Variants in SERHL2 observed in about 807,000 individuals in gnomAD.
SERHL2 encodes the protein serine hydrolase-like protein 2.
Under a neutral mutation model 25.5 loss-of-function variants are expected in SERHL2, and 29 were observed. The ratio of observed to expected loss-of-function variants is 1.14; its 90% CI spans 0.85 to 1.55. The LOEUF is 1.55. Ranked by LOEUF, SERHL2 falls within the 40% of genes most tolerant of loss-of-function variation. The probability of loss-of-function intolerance (pLI) is 0.00; values close to 1 mark genes in which losing one functional copy is unlikely to be tolerated. For missense variants in SERHL2, 240 were observed against 252.3 expected, an observed-to-expected ratio of 0.95 and a Z score of 0.33; for synonymous variants, 95 against 103.5, an observed-to-expected ratio of 0.92 and a Z score of 0.50.
chr22:42,567,862 T>C (rs1415331436), intron 9 of SERHL2, among the ~76,000 whole-genome samples: 1 of 151,452 alleles, frequency 6.6e-6, no homozygotes, highest in Non-Finnish European at 1.5e-5. Flanking sequence ...CCCAAGTAGC[T>C]GGGATTACAG....
intron 7 of SERHL2, 99 bp from the exon 8 acceptor site, chr22:42,560,087 C>T (rs1266613228): frequency 1.2e-5 from 10 of 863,640 alleles, no homozygotes; most frequent in Admixed American, 3.6e-5. Flanking sequence ...GCTGGGATTA[C>T]AGGCATGAGC....
At chr22:42,572,082 C>T (rs1924303305) in intron 10 of SERHL2, among the ~76,000 whole-genome samples, 3 of 152,054 alleles carry the variant, frequency 2.0e-5, no homozygotes, top group Admixed American at 1.3e-4. Flanking sequence ...TGTAGACTAT[C>T]AACGGGAGGA....
rs749197935 is a variant in SERHL2, at chr22:42,572,562, C to T, written c.825+33C>T. 9 of 1,607,118 alleles carry T rather than the reference C, an allele frequency of 5.6e-6. No individual in the cohort carries two copies. In the Admixed American group the frequency reaches 1.3e-4, roughly 24 times the overall value. ...GGGGCTCAGGCAGCTGGTGTCCAGCCACTGTCGCCCACTCTGGTCCCACCT... is the reference window on the plus strand; with the variant it reads ...GGGGCTCAGGCAGCTGGTGTCCAGCTACTGTCGCCCACTCTGGTCCCACCT... On this transcript the variant is annotated intron_variant, in intron 11 of 11. Transcript: ENST00000327678.
chr22:42,561,210 C>T (rs1922637762), intron 8 of SERHL2, among the ~76,000 whole-genome samples: 1 of 151,884 alleles, frequency 6.6e-6, no homozygotes. Flanking sequence ...AGCAGTGGTC[C>T]AGGAAGCAGC....
chr22:42,559,124 G>A (rs1485535481), intron 7 of SERHL2, among the ~76,000 whole-genome samples: 6 of 99,624 alleles, frequency 6.0e-5, no homozygotes, highest in Non-Finnish European at 1.1e-4. Context: ...GCCAGGCGCA[G>A]TGGCTCACAC....
In SERHL2 at chr22:42,567,345, C is replaced by CT. The variant is rs898384975; in HGVS notation, c.648+1014dup. On this transcript the variant is annotated intron_variant, in intron 9 of 11. Transcript: ENST00000327678. ...GTCAGATAGTGATTCATTTTCTTTT[C>CT]TTTTTTTCTTTTTTGTGTTTTAAAA... 2.7e-5 allele frequency among the ~76,000 whole-genome samples: 4 copies of CT among 150,276 alleles called. No homozygotes were observed. The East Asian group carries it at 7.8e-4, about 29-fold the overall frequency.
rs577331895 is a variant in SERHL2, at chr22:42,568,890, C to G, written c.649-2231C>G. 1.3e-5 allele frequency among the ~76,000 whole-genome samples: 2 copies of G among 151,372 alleles called. 1 individual carries two copies. The highest frequency in any genetic ancestry group is 2.9e-5 in the Non-Finnish European group (2 of 67,828). On this transcript the variant is annotated intron_variant, in intron 9 of 11. Coordinates refer to ENST00000327678, the MANE Select transcript of SERHL2 (RefSeq NM_014509.5). ...CTGAGGCAGGAGAATCGCTTTAACT[C>G]GGGAGGCGGAGATTGCAGTGAGCTG... is the stretch of plus-strand genomic sequence containing the variant.
Position 42,563,298 on chromosome 22 carries a change from G to C in SERHL2, c.614-3006G>C, listed in dbSNP as rs887942256. The stretch of plus-strand genomic sequence containing the variant: ...GGCTCACTGCAGCCTTGGCCTCATG[G>C]GCTCAGGCGATCCTCCTACCTCAGC... On this transcript the variant is annotated intron_variant, in intron 8 of 11. Transcript: ENST00000327678. The C allele has an allele frequency of 1.1e-4, 27 of 244,494 alleles. No individual in the cohort carries two copies. In the Admixed American group the frequency reaches 1.1e-3, roughly 10 times the overall value. The allele number at this position is 244,494 out of a possible 1,614,324, so 15.1% of individuals were successfully genotyped here. A position where few individuals can be genotyped will look rare whatever the true frequency, so the allele number is the denominator to read the frequency against.
chr22:42,570,449 T>TGTGGAGAACA (rs896312884), intron 9 of SERHL2, among the ~76,000 whole-genome samples: 2 of 152,028 alleles, frequency 1.3e-5, no homozygotes, highest in African/African-American at 4.8e-5. Flanking sequence ...ATTGTTCTCA[T>TGTGGAGAACA]ATTTTAACAT....
chr22:42,556,686 C>A lies in SERHL2; in HGVS notation c.423+98C>A, dbSNP rs9623624. 9 of 1,103,346 alleles carry A rather than the reference C, an allele frequency of 8.2e-6. No homozygotes were observed. The Admixed American group carries it at 1.9e-4, about 23-fold the overall frequency. The allele number at this position is 1,103,346 out of a possible 1,614,324, so 68.3% of individuals were successfully genotyped here. A position where few individuals can be genotyped will look rare whatever the true frequency, so the allele number is the denominator to read the frequency against. Reference sequence around the variant, plus strand: ...TCCTTTGGTGGACACTAGGGAAGCACGAGGAGGCGGCAGAGGGTGGGAAAG... The same window carrying A: ...TCCTTTGGTGGACACTAGGGAAGCAAGAGGAGGCGGCAGAGGGTGGGAAAG... On this transcript the variant is annotated intron_variant, in intron 6 of 11. Coordinates refer to ENST00000327678, the MANE Select transcript of SERHL2 (RefSeq NM_014509.5).
Position 42,574,337 on chromosome 22 carries a change from C to T in SERHL2, c.*282C>T, listed in dbSNP as rs1924701295. On this transcript the variant is annotated 3_prime_UTR_variant, in exon 12 of 12. Transcript: ENST00000327678. ...GGCAGGCTGGGCCCACCTAGCCTTT[C>T]CCTGCTGCCCAACTGGATGGAAAAT... 2 of 523,922 alleles carry T rather than the reference C, an allele frequency of 3.8e-6. No individual in the cohort carries two copies. Among genetic ancestry groups the T allele is most frequent in the South Asian group, 2.4e-5 (1 of 42,430 alleles). 32.5% of individuals were successfully genotyped at this position (523,922 alleles called of 1,614,324 possible).
At chr22:42,566,187 AG>A in intron 8 of SERHL2, 116 bp from the exon 9 acceptor site, 1 of 973,710 alleles carries the variant, frequency 1.0e-6, no homozygotes, top group Non-Finnish European at 1.6e-6. Flanking sequence ...CGTCGGGGGC[AG>A]GTGGGAGAAA....
rs768245441 is a variant in SERHL2 at position 42,562,429 on chromosome 22, A to AG, written c.613+2167dup. Among the ~76,000 whole-genome samples, 7 of 151,708 alleles carry AG rather than the reference A, an allele frequency of 4.6e-5. 1 individual carries two copies. Among genetic ancestry groups the AG allele is most frequent in the Non-Finnish European group, 8.8e-5 (6 of 67,902 alleles). ...GGGCTGGTTCCTTCTGAGGGCTGTG[A>AG]GGGAGTATCTGTTCCCACCTCTCTG... is the stretch of plus-strand genomic sequence containing the variant. On this transcript the variant is annotated intron_variant, in intron 8 of 11. Transcript: ENST00000327678.
chr22:42,560,791 G>A (rs951362211), intron 8 of SERHL2, among the ~76,000 whole-genome samples: 16 of 151,980 alleles, frequency 1.1e-4, no homozygotes, highest in African/African-American at 3.4e-4. Flanking sequence ...GCTGGAGTGC[G>A]GTGGCACCAT....
chr22:42,573,066 A>G (rs993016180), intron 11 of SERHL2, among the ~76,000 whole-genome samples: 13 of 151,890 alleles, frequency 8.6e-5, no homozygotes, highest in Non-Finnish European at 1.3e-4. Flanking sequence ...GGCTGTAGGC[A>G]GAGGTGGCTT....
chr22:42,565,167 C>T (rs1923197530), intron 8 of SERHL2: 1 of 152,926 alleles, frequency 6.5e-6, no homozygotes, highest in Non-Finnish European at 1.5e-5. Flanking sequence ...CGGTCCTCCT[C>T]TATCGGGGAT....
At chr22:42,567,354 T>C (rs896459798) in intron 9 of SERHL2, among the ~76,000 whole-genome samples, 1 of 151,868 alleles carries the variant, frequency 6.6e-6, no homozygotes, top group Non-Finnish European at 1.5e-5. Context: ...TCTTTTTTTC[T>C]TTTTTGTGTT....
At chr22:42,570,342 A>G (rs904342827) in intron 9 of SERHL2, among the ~76,000 whole-genome samples, 2 of 151,964 alleles carry the variant, frequency 1.3e-5, no homozygotes, top group African/African-American at 4.8e-5. Context: ...GCTTGAACCC[A>G]GGAGGCGGGA....
chr22:42,564,968 GTGTGT>G (rs2146709997), intron 8 of SERHL2: 1 of 109,476 alleles, frequency 9.1e-6, no homozygotes, highest in African/African-American at 4.9e-5. Flanking sequence ...CGGCGCGCGC[GTGTGT>G]GTGTGTGTGT....
Sources: allele counts gnomAD v4.1 joint callset (sites outside exome capture counted in the v4.1 genomes callset), GRCh38; gene constraint gnomAD v4.1.1; transcripts MANE v1.5; gene names NCBI Gene and HGNC (gene_info 2026-07-23, HGNC 2026-07-21).